PTPRD: variants seen among roughly 807,000 people sequenced by gnomAD.
The protein encoded by PTPRD is protein tyrosine phosphatase receptor type D, also known as receptor-type tyrosine-protein phosphatase delta.
PTPRD carries 34 observed loss-of-function variants against 214.5 expected under a neutral mutation model. The observed-to-expected ratio is 0.16, with a 90% confidence interval of 0.12 to 0.21. PTPRD has a LOEUF of 0.21. Ranked by LOEUF, PTPRD falls within the 10% of genes least tolerant of loss-of-function variation. The pLI, the probability that PTPRD is intolerant of heterozygous loss-of-function variation, is 1.00. For missense variants in PTPRD, 2,545 were observed against 2,398.7 expected, an observed-to-expected ratio of 1.06 and a Z score of -1.27; for synonymous variants, 1,128 against 845.7, an observed-to-expected ratio of 1.33 and a Z score of -5.79.
At chr9:8,610,315 T>C (rs1210608971) in intron 14 of PTPRD, among the ~76,000 whole-genome samples, 2 of 152,202 alleles carry the variant, frequency 1.3e-5, no homozygotes, top group African/African-American at 2.4e-5. Flanking sequence ...TATTAAATAC[T>C]CAATAAATGG....
At position 8,934,482 on chromosome 9, in the gene PTPRD, T is replaced by TTA. The variant is rs1481489408; in HGVS notation, c.-104+84214_-104+84215insTA. Among the ~76,000 whole-genome samples, 68 of 7,640 alleles carry TTA rather than the reference T, an allele frequency of 8.9e-3. 1 individual carries two copies. The highest frequency in any genetic ancestry group is 0.02 in the African/African-American group (53 of 2,706). The allele number at this position is 7,640 out of a possible 152,430, so 5.0% of individuals were successfully genotyped here. A position where few individuals can be genotyped will look rare whatever the true frequency, so the allele number is the denominator to read the frequency against. The stretch of plus-strand genomic sequence containing the variant: ...ATATATAAATATATATATATAAATA[T>TTA]ATATATATATAAATATATATATAAA... On this transcript the variant is annotated intron_variant, in intron 11 of 45. Coordinates refer to ENST00000381196, the MANE Select transcript of PTPRD (RefSeq NM_002839.4).
intron 8 of PTPRD, among the ~76,000 whole-genome samples, chr9:9,416,610 C>T (rs1339989558): frequency 6.6e-6 from 1 of 152,104 alleles, no homozygotes; most frequent in Non-Finnish European, 1.5e-5. Flanking sequence ...TTCTCCACTT[C>T]CACAATATGC....
In PTPRD at chr9:9,846,983, T is replaced by C. The variant is rs1284154208; in HGVS notation, c.-367-80132A>G. Among the ~76,000 whole-genome samples, 8 of 152,156 alleles carry C rather than the reference T, an allele frequency of 5.3e-5. No homozygotes were observed. The South Asian group carries it at 6.2e-4, about 12-fold the overall frequency. Reference sequence around the variant, plus strand: ...GGAGAATATCATGCCATAAAATATATATTTTTTTGAGTATGCCAGAAAAAA... The same window carrying C: ...GGAGAATATCATGCCATAAAATATACATTTTTTTGAGTATGCCAGAAAAAA... On this transcript the variant is annotated intron_variant, in intron 5 of 45. Coordinates refer to ENST00000381196, the MANE Select transcript of PTPRD (RefSeq NM_002839.4).
intron 3 of PTPRD, among the ~76,000 whole-genome samples, chr9:10,268,349 G>A (rs1322154): frequency 0.026 from 3,868 of 150,560 alleles, 166 homozygotes; most frequent in East Asian, 0.21. Flanking sequence ...GGTTATAACA[G>A]AGGGGCAGCA....
chr9:10,125,915 A>G (rs1220964126), intron 3 of PTPRD, among the ~76,000 whole-genome samples: 1 of 152,178 alleles, frequency 6.6e-6, no homozygotes, highest in Non-Finnish European at 1.5e-5. Flanking sequence ...AAGATATGGT[A>G]ATATATTGTG....
intron 8 of PTPRD, among the ~76,000 whole-genome samples, chr9:9,505,087 T>G (rs996046888): frequency 1.3e-5 from 2 of 151,580 alleles, no homozygotes; most frequent in Non-Finnish European, 3.0e-5. Context: ...CAAGCTTGCA[T>G]CACAGTTTGA....
intron 35 of PTPRD, among the ~76,000 whole-genome samples, chr9:8,412,233 C>G (rs1353069670): frequency 2.0e-5 from 3 of 152,060 alleles, no homozygotes; most frequent in Non-Finnish European, 4.4e-5. Context: ...ACAGCAAGAC[C>G]CAATCTCATT....
At chr9:8,642,326 G>C (rs2096594132) in intron 12 of PTPRD, among the ~76,000 whole-genome samples, 1 of 152,152 alleles carries the variant, frequency 6.6e-6, no homozygotes, top group South Asian at 2.1e-4. Context: ...AATTGGCTTT[G>C]TTTCTTTTAA....
chr9:8,664,607 C>T (rs2097133867), intron 12 of PTPRD, among the ~76,000 whole-genome samples: 1 of 152,144 alleles, frequency 6.6e-6, no homozygotes, highest in Admixed American at 6.5e-5. Context: ...GAGCAGAGAC[C>T]ACCAGCTCAT....
rs532056954 is a variant in PTPRD, at chr9:9,776,385, T to G, written c.-367-9534A>C. Among the ~76,000 whole-genome samples the G allele has an allele frequency of 5.3e-5, 8 of 152,312 alleles. No homozygotes were observed. In the South Asian group the frequency reaches 1.7e-3, roughly 32 times the overall value. ...GAACTCGTGTGCCATAACCCTTTCC[T>G]GCAATTGTTGCTTTACTGATCTGTA... On this transcript the variant is annotated intron_variant, in intron 5 of 45. Transcript: ENST00000381196.
intron 10 of PTPRD, among the ~76,000 whole-genome samples, chr9:9,058,085 C>G (rs914306557): frequency 5.9e-5 from 9 of 152,166 alleles, no homozygotes; most frequent in Non-Finnish European, 1.0e-4. Flanking sequence ...ACTCCTTAAA[C>G]ACTTATTTAC....
intron 11 of PTPRD, chr9:8,962,733 T>C (rs2099165677): frequency 6.6e-6 from 1 of 152,122 alleles, no homozygotes; most frequent in African/African-American, 2.4e-5. Flanking sequence ...AAAATTCATC[T>C]CTTTTATGGG....
chr9:9,700,327 AAT>A (rs1425355639), intron 7 of PTPRD, among the ~76,000 whole-genome samples: 1 of 152,124 alleles, frequency 6.6e-6, no homozygotes, highest in Non-Finnish European at 1.5e-5. Context: ...GTATTAGAGA[AAT>A]AAGTATTTTG....
Position 8,903,571 on chromosome 9 carries a change from C to T in PTPRD, c.-104+115126G>A, listed in dbSNP as rs181454287. 2.0e-4 allele frequency among the ~76,000 whole-genome samples: 31 copies of T among 152,262 alleles called. No homozygotes were observed. In the East Asian group the frequency reaches 5.8e-3, roughly 28 times the overall value. ...TCAACAACAAGGATGAATGTTGTTG[C>T]ACTGTAAGTAACAATTTTGACATGA... On this transcript the variant is annotated intron_variant, in intron 11 of 45. Transcript: ENST00000381196.
At chr9:8,564,748 C>G (rs1375656528) in intron 14 of PTPRD, among the ~76,000 whole-genome samples, 1 of 152,084 alleles carries the variant, frequency 6.6e-6, no homozygotes, top group Non-Finnish European at 1.5e-5. Flanking sequence ...TTACATTGAT[C>G]TTGATTGGAC....
intron 8 of PTPRD, among the ~76,000 whole-genome samples, chr9:9,517,176 C>A (rs2096858648): frequency 6.6e-6 from 1 of 151,986 alleles, no homozygotes; most frequent in South Asian, 2.1e-4. Context: ...ACTTGTGAGG[C>A]ACTGTGCCAG....
At chr9:9,555,354 A>C (rs2081268871) in intron 8 of PTPRD, among the ~76,000 whole-genome samples, 1 of 152,066 alleles carries the variant, frequency 6.6e-6, no homozygotes, top group Non-Finnish European at 1.5e-5. Flanking sequence ...GCAACATCAC[A>C]CATTATTGAC....
At chr9:9,096,299 A>G (rs1000052395) in intron 10 of PTPRD, among the ~76,000 whole-genome samples, 4 of 152,222 alleles carry the variant, frequency 2.6e-5, no homozygotes, top group African/African-American at 7.2e-5. Flanking sequence ...TCTTTTTACT[A>G]TCTATAAGTA....
Position 8,524,949 on chromosome 9 carries a change from C to G in PTPRD, c.655G>C (p.Ala219Pro), listed in dbSNP as rs771217760. ...CCTCTGACATATAAATTGGCAGGAG[C>G]GGAATAGCGAGTGCCCGCGCTGTTG... ...ATNSAGTRYS[A>P]PANLYVRELR... Residue 219 changes from alanine (A) to proline (P), a missense_variant, in exon 18 of 46, where the codon GCT becomes CCT. Physicochemically the swap from Ala to Pro is conservative, Grantham distance 27. Coordinates refer to ENST00000381196, the MANE Select transcript of PTPRD (RefSeq NM_002839.4). 2.5e-6 allele frequency: 4 copies of G among 1,613,430 alleles called. No individual in the cohort carries two copies. The highest frequency in any genetic ancestry group is 3.4e-6 in the Non-Finnish European group (4 of 1,179,580).
Sources: gnomAD v4.1 joint callset for allele counts (sites outside exome capture counted in the v4.1 genomes callset) on GRCh38, gnomAD v4.1.1 for gene constraint, MANE v1.5 for transcripts, NCBI Gene and HGNC (gene_info 2026-07-23, HGNC 2026-07-21) for gene names.